The following OPHN1 variants were observed in gnomAD, a reference collection of about 807,000 sequenced individuals.
OPHN1 encodes the protein oligophrenin-1.
A neutral mutation model predicts 60.7 loss-of-function variants in OPHN1; 11 were observed. That is an observed-to-expected ratio of 0.18 (90% CI 0.11 to 0.30). The LOEUF (loss-of-function observed/expected upper bound fraction) is 0.30. Ranked by LOEUF, OPHN1 falls within the 10% of genes least tolerant of loss-of-function variation. The probability of loss-of-function intolerance (pLI) is 1.00; values close to 1 mark genes in which losing one functional copy is unlikely to be tolerated. For synonymous variants in OPHN1, 226 were observed against 222.6 expected, an observed-to-expected ratio of 1.02 and a Z score of -0.14; for missense variants, 449 against 611.0, an observed-to-expected ratio of 0.73 and a Z score of 2.80.
intron 3 of OPHN1, among the ~76,000 whole-genome samples, chrX:68,297,079 C>G (rs2078099136): frequency 9.0e-6 from 1 of 111,326 alleles, no homozygotes; most frequent in African/African-American, 3.3e-5. Flanking sequence ...GGCACCTGTT[C>G]AAAATCAGAC....
chrX:68,285,095 G>A lies in OPHN1; in HGVS notation c.251-1978C>T, dbSNP rs186447470. Among the ~76,000 whole-genome samples, 840 of 111,688 alleles carry A rather than the reference G, an allele frequency of 7.5e-3. 10 individuals are homozygous for A. Among genetic ancestry groups the A allele is most frequent in the African/African-American group, 0.026 (792 of 30,792 alleles). On this transcript the variant is annotated intron_variant, in intron 3 of 24. Transcript: ENST00000355520. ...ATTTTAGTAATTCAAGTAGTCTCACGGTCAGTCTAGCTAAGGGTTTGTCAA... is the reference window on the plus strand; with the variant it reads ...ATTTTAGTAATTCAAGTAGTCTCACAGTCAGTCTAGCTAAGGGTTTGTCAA...
intron 5 of OPHN1, among the ~76,000 whole-genome samples, chrX:68,244,487 CA>C (rs1432748886): frequency 4.5e-5 from 5 of 112,124 alleles, no homozygotes; most frequent in African/African-American, 1.6e-4. Context: ...GTTCATTGTA[CA>C]AGGAATGGTG....
chrX:68,203,013 C>T (rs1217265676), intron 10 of OPHN1, among the ~76,000 whole-genome samples: 1 of 110,267 alleles, frequency 9.1e-6, no homozygotes, highest in Non-Finnish European at 1.9e-5. Context: ...AATCCCAGCA[C>T]TTTGGGAGGC....
At chrX:68,177,177 G>A (rs1185062520) in intron 15 of OPHN1, among the ~76,000 whole-genome samples, 4 of 110,247 alleles carry the variant, frequency 3.6e-5, no homozygotes. Context: ...CAAACACATA[G>A]AGACAGGAAA....
At chrX:68,159,253 G>A (rs1417272450) in intron 15 of OPHN1, among the ~76,000 whole-genome samples, 2 of 111,791 alleles carry the variant, frequency 1.8e-5, no homozygotes, top group African/African-American at 3.3e-5. Flanking sequence ...AGTTTAATGA[G>A]CTCTTTAAAT....
chrX:68,304,088 CCAGA>C (rs2078134122), intron 2 of OPHN1, among the ~76,000 whole-genome samples: 1 of 111,077 alleles, frequency 9.0e-6, no homozygotes, highest in Non-Finnish European at 1.9e-5. Flanking sequence ...TGAATGTTGC[CCAGA>C]CAAAGAAATG....
At chrX:68,310,648 T>C (rs2078168602) in intron 2 of OPHN1, among the ~76,000 whole-genome samples, 1 of 111,328 alleles carries the variant, frequency 9.0e-6, no homozygotes, top group Non-Finnish European at 1.9e-5. Context: ...TTTTTAAATA[T>C]GAATAATTTA....
chrX:68,423,217 G>C (rs1235915926), intron 2 of OPHN1, among the ~76,000 whole-genome samples: 3 of 110,625 alleles, frequency 2.7e-5, no homozygotes, highest in Non-Finnish European at 5.7e-5. Flanking sequence ...AGTAGAGACA[G>C]GGTTTTGCCG....
At chrX:68,080,924 A>G (rs766508098) in intron 19 of OPHN1, among the ~76,000 whole-genome samples, 63 of 111,900 alleles carry the variant, frequency 5.6e-4, no homozygotes, top group South Asian at 2.3e-3. Context: ...CTGATTCCCA[A>G]TAGAGAGGTA....
rs796692093 is a variant in OPHN1 at position 68,317,338 on chromosome X, GGAAA to G, written c.155-18246_155-18243del. ...AAAAGAAGAAGAAGAAAGAAAGAGA[GGAAA>G]GAAAGAAAGAAAGAAAGAAAGAAAG... On this transcript the variant is annotated intron_variant, in intron 2 of 24. Coordinates refer to ENST00000355520, the MANE Select transcript of OPHN1 (RefSeq NM_002547.3). Among the ~76,000 whole-genome samples the G allele has an allele frequency of 5.6e-3, 161 of 28,828 alleles. 4 individuals carry two copies. Among genetic ancestry groups the G allele is most frequent in the Admixed American group, 0.031 (52 of 1,675 alleles). 25.0% of individuals were successfully genotyped at this position (28,828 alleles called of 115,157 possible).
At chrX:68,270,116 T>C (rs1459910540) in intron 5 of OPHN1, among the ~76,000 whole-genome samples, 1 of 110,587 alleles carries the variant, frequency 9.0e-6, no homozygotes, top group East Asian at 2.9e-4. Context: ...TGTGGAGAAA[T>C]AGGAACACTT....
At chrX:68,373,431 A>T (rs1233060628) in intron 2 of OPHN1, among the ~76,000 whole-genome samples, 1 of 111,294 alleles carries the variant, frequency 9.0e-6, no homozygotes, top group Non-Finnish European at 1.9e-5. Context: ...ATATGACTTC[A>T]TTTTTCATTT....
intron 15 of OPHN1, among the ~76,000 whole-genome samples, chrX:68,151,305 A>C (rs2077284387): frequency 8.9e-6 from 1 of 112,353 alleles, no homozygotes; most frequent in Non-Finnish European, 1.9e-5. Context: ...ATTTTACAAA[A>C]ACAGGCAGCA....
intron 15 of OPHN1, among the ~76,000 whole-genome samples, chrX:68,188,489 C>A (rs1444272866): frequency 8.9e-6 from 1 of 111,786 alleles, no homozygotes; most frequent in African/African-American, 3.2e-5. Context: ...TATATAAAAT[C>A]TATTTATGAC....
intron 6 of OPHN1, among the ~76,000 whole-genome samples, chrX:68,214,711 T>A (rs2077600072): frequency 8.9e-6 from 1 of 112,232 alleles, no homozygotes; most frequent in South Asian, 3.7e-4. Flanking sequence ...AATATAAGAC[T>A]GTAGGCCAAG....
At chrX:68,317,196 A>G (rs1336189319) in intron 2 of OPHN1, among the ~76,000 whole-genome samples, 1 of 106,420 alleles carries the variant, frequency 9.4e-6, no homozygotes, top group Non-Finnish European at 1.9e-5. Context: ...GCTACTCAGG[A>G]GGCTGAGATG....
chrX:68,174,823 C>T (rs944879986), intron 15 of OPHN1, among the ~76,000 whole-genome samples: 11 of 110,483 alleles, frequency 1.0e-4, no homozygotes, highest in Admixed American at 9.7e-4. Flanking sequence ...GTGGCTCACA[C>T]CTGTAATCCC....
chrX:68,138,930 C>T (rs1022742661), intron 15 of OPHN1, among the ~76,000 whole-genome samples: 1 of 111,993 alleles, frequency 8.9e-6, no homozygotes, highest in Admixed American at 9.5e-5. Context: ...TAACCAGGAA[C>T]TTACCTGGCT....
At chrX:68,260,251 C>T (rs1161593974) in intron 5 of OPHN1, among the ~76,000 whole-genome samples, 1 of 109,833 alleles carries the variant, frequency 9.1e-6, no homozygotes, top group Non-Finnish European at 1.9e-5. Flanking sequence ...GAAATGGACT[C>T]ATATAGCAGG....
Sources: allele counts gnomAD v4.1 joint callset (sites outside exome capture counted in the v4.1 genomes callset), GRCh38; gene constraint gnomAD v4.1.1; transcripts MANE v1.5; gene names NCBI Gene and HGNC (gene_info 2026-07-23, HGNC 2026-07-21).